ALG12: variants seen among roughly 807,000 people sequenced by gnomAD.
The protein encoded by ALG12 is ALG12 alpha-1,6-mannosyltransferase, also known as dol-P-Man:Man(7)GlcNAc(2)-PP-Dol alpha-1,6-mannosyltransferase.
Under a neutral mutation model 46.0 loss-of-function variants are expected in ALG12, and 36 were observed. The observed-to-expected ratio is 0.78, with a 90% CI of 0.60 to 1.03. The LOEUF (loss-of-function observed/expected upper bound fraction) is 1.03. ALG12 is among the 50% of genes least tolerant of loss of function. The pLI, the probability that ALG12 is intolerant of heterozygous loss-of-function variation, is 0.00. For missense variants in ALG12, 599 were observed against 633.5 expected, an observed-to-expected ratio of 0.95 and a Z score of 0.58; for synonymous variants, 326 against 291.6, an observed-to-expected ratio of 1.12 and a Z score of -1.20.
At chr22:49,862,833 C>T in the ALG12 span, among the ~76,000 whole-genome samples, 1 of 150,142 alleles carries the variant, frequency 6.7e-6, no homozygotes, top group East Asian at 2.0e-4. Flanking sequence ...TCCTGAGTAA[C>T]TGGGATTACA....
chr22:49,906,354 C>A lies in ALG12; in HGVS notation c.992+1367G>T, dbSNP rs958684994. Among the ~76,000 whole-genome samples, 1 of 152,202 alleles carries A rather than the reference C, an allele frequency of 6.6e-6. No homozygotes were observed. ...TCCAGCCCTGAGCCGACCCCTGAGA[C>A]GAGAGGGAGCCAAAGGCACAGAAAA... On this transcript the variant is annotated intron_variant, in intron 7 of 9. Coordinates refer to ENST00000330817, the MANE Select transcript of ALG12 (RefSeq NM_024105.4). This position sits in a 1 kb window ranked among gnomAD's most constrained non-coding sequence, Gnocchi z 4.4.
chr22:49,917,811 A>T (rs959064053), intron 1 of ALG12, among the ~76,000 whole-genome samples: 1 of 149,674 alleles, frequency 6.7e-6, no homozygotes, highest in South Asian at 2.2e-4. Context: ...AATTTAAACC[A>T]GGGGTTCCTG....
At chr22:49,885,820 C>T in the ALG12 span, 1 of 1,572,440 alleles carries the variant, frequency 6.4e-7, no homozygotes, top group Non-Finnish European at 8.8e-7. Context: ...TATGTCCCAC[C>T]TTAAGGAAGC....
chr22:49,879,688 TCTATTGGTTGG>T, the ALG12 span, among the ~76,000 whole-genome samples: 1 of 67,730 alleles, frequency 1.5e-5, no homozygotes, highest in Non-Finnish European at 3.3e-5. Flanking sequence ...TGGGCGTGTT[TCTATTGGTTGG>T]TTTTTCTCCT....
chr22:49,884,245 G>A, the ALG12 span: 1 of 1,602,634 alleles, frequency 6.2e-7, no homozygotes, highest in Non-Finnish European at 8.5e-7. Flanking sequence ...ACAGCCTGCG[G>A]ACGCGGGTGA....
downstream of ALG12, among the ~76,000 whole-genome samples, chr22:49,899,602 A>G (rs1189167648): frequency 6.6e-6 from 1 of 152,088 alleles, no homozygotes; most frequent in East Asian, 1.9e-4. Flanking sequence ...ACGTGGCAAT[A>G]CCCAATGCAA....
chr22:49,906,416 C>T lies in ALG12; in HGVS notation c.992+1305G>A, dbSNP rs917709371. Among the ~76,000 whole-genome samples, 10 of 152,132 alleles carry T rather than the reference C, an allele frequency of 6.6e-5. No individual in the cohort carries two copies. The highest frequency in any genetic ancestry group is 2.0e-4 in the Admixed American group (3 of 15,274). On this transcript the variant is annotated intron_variant, in intron 7 of 9. Transcript: ENST00000330817. The surrounding 1 kb of genome is among the most constrained non-coding windows in gnomAD (Gnocchi z 4.4). ...GCTCCCAGGAGCCCCCACTGAGGCG[C>T]GGCTACAGCAGCCAGAGGAGCCCCC... is the stretch of plus-strand genomic sequence containing the variant.
the ALG12 span, among the ~76,000 whole-genome samples, chr22:49,891,048 T>C: frequency 6.6e-6 from 1 of 151,644 alleles, no homozygotes; most frequent in African/African-American, 2.4e-5. Flanking sequence ...AAAAAAAATG[T>C]TCTTTGGCCC....
chr22:49,917,905 C>T (rs2146623251), intron 1 of ALG12, among the ~76,000 whole-genome samples: 1 of 93,994 alleles, frequency 1.1e-5, no homozygotes, highest in Middle Eastern at 5.6e-3. Flanking sequence ...ACCCCAGATC[C>T]CCAGCCCCCA....
chr22:49,898,484 G>A (rs1164730497), downstream of ALG12, among the ~76,000 whole-genome samples: 1 of 151,682 alleles, frequency 6.6e-6, no homozygotes, highest in Non-Finnish European at 1.5e-5. Flanking sequence ...CTGCCTCCCA[G>A]GTTCAAGTGA....
rs781346544 is a variant in ALG12, at chr22:49,903,321, T to C, written c.*517A>G. 6.6e-6 allele frequency: 3 copies of C among 457,162 alleles called. No individual in the cohort carries two copies. The highest frequency in any genetic ancestry group is 8.8e-6 in the Non-Finnish European group (2 of 227,718). The allele number at this position is 457,162 out of a possible 1,614,324, so 28.3% of individuals were successfully genotyped here. A position where few individuals can be genotyped will look rare whatever the true frequency, so the allele number is the denominator to read the frequency against. ...ATCTGTGATGGAGATGGGATGCCTG[T>C]GAATACAAAAGTTGCAGTGGTGGCA... is the stretch of plus-strand genomic sequence containing the variant. On this transcript the variant is annotated 3_prime_UTR_variant, in exon 10 of 10. Transcript: ENST00000330817.
the ALG12 span, among the ~76,000 whole-genome samples, chr22:49,869,827 A>G: frequency 6.6e-6 from 1 of 152,156 alleles, no homozygotes; most frequent in Non-Finnish European, 1.5e-5. Context: ...TTCAACTTTG[A>G]TTTTAGATTC....
At chr22:49,884,605 C>T in the ALG12 span, 3 of 1,612,252 alleles carry the variant, frequency 1.9e-6, no homozygotes, top group Non-Finnish European at 2.5e-6. Context: ...CGAGTTCAGC[C>T]GGGGGAAGAA....
rs1201441403 is a variant in ALG12, at chr22:49,902,478, T to C, written c.*1360A>G. On this transcript the variant is annotated 3_prime_UTR_variant, in exon 10 of 10. Coordinates refer to ENST00000330817, the MANE Select transcript of ALG12 (RefSeq NM_024105.4). The stretch of plus-strand genomic sequence containing the variant: ...ATGCATGGTGTGTGCACGTGTGCAC[T>C]GTGTGGTGTGTATGCATGGTGTGTG... 8.7e-6 allele frequency: 1 copy of C among 114,608 alleles called. No homozygotes were observed. The highest frequency in any genetic ancestry group is 2.4e-4 in the East Asian group (1 of 4,150). 7.1% of individuals were successfully genotyped at this position (114,608 alleles called of 1,614,324 possible).
At chr22:49,872,315 T>A in the ALG12 span, among the ~76,000 whole-genome samples, 1 of 152,196 alleles carries the variant, frequency 6.6e-6, no homozygotes, top group Non-Finnish European at 1.5e-5. Context: ...CAGCTCCTCA[T>A]TCACTCAAGT....
the ALG12 span, among the ~76,000 whole-genome samples, chr22:49,875,485 A>G: frequency 6.7e-6 from 1 of 148,662 alleles, no homozygotes; most frequent in Non-Finnish European, 1.5e-5. Flanking sequence ...CAGTGGCGCC[A>G]TCTTGGCTCA....
rs1450357664 is a variant in ALG12 at position 49,906,061 on chromosome 22, G to A, written c.993-1555C>T. Among the ~76,000 whole-genome samples the A allele has an allele frequency of 6.6e-6, 1 of 152,150 alleles. No homozygotes were observed. Among genetic ancestry groups the A allele is most frequent in the African/African-American group, 2.4e-5 (1 of 41,426 alleles). On this transcript the variant is annotated intron_variant, in intron 7 of 9. Coordinates refer to ENST00000330817, the MANE Select transcript of ALG12 (RefSeq NM_024105.4). The surrounding 1 kb of genome is among the most constrained non-coding windows in gnomAD (Gnocchi z 4.4). Reference sequence around the variant, plus strand: ...GCCGGGCTGAGGACCTGACTTCGGAGGGGGCCTTGCTCTACCCTGCACCCC... The same window carrying A: ...GCCGGGCTGAGGACCTGACTTCGGAAGGGGCCTTGCTCTACCCTGCACCCC...
chr22:49,870,985 GGCT>G, the ALG12 span, among the ~76,000 whole-genome samples: 8 of 148,280 alleles, frequency 5.4e-5, no homozygotes, highest in Non-Finnish European at 1.0e-4. Context: ...CTGTTACCCA[GGCT>G]GGAGTGCAGT....
chr22:49,913,267 GAGGGC>G, intron 3 of ALG12, 113 bp downstream of exon 3: 1 of 1,504,136 alleles, frequency 6.6e-7, no homozygotes. Flanking sequence ...CACGGTGATC[GAGGGC>G]AGGCAAGACT....
Sources: allele counts gnomAD v4.1 joint callset (sites outside exome capture counted in the v4.1 genomes callset), GRCh38; gene constraint gnomAD v4.1.1; non-coding constraint Gnocchi (gnomAD v3.1); transcripts MANE v1.5; gene names NCBI Gene and HGNC (gene_info 2026-07-23, HGNC 2026-07-21).